The following ETV5 variants were observed in gnomAD, a reference collection of about 807,000 sequenced individuals.
The protein encoded by ETV5 is ETS variant transcription factor 5, also known as ETS translocation variant 5.
Under a neutral mutation model 70.0 loss-of-function variants are expected in ETV5, and 10 were observed. That is an observed-to-expected ratio of 0.14 (90% CI 0.09 to 0.24). ETV5 has a LOEUF of 0.24. ETV5 is among the 10% of genes least tolerant of loss of function. ETV5 has a pLI of 1.00. For synonymous variants in ETV5, 216 were observed against 242.2 expected (o/e 0.89, Z 1.01); for missense variants, 453 against 651.2 (o/e 0.70, Z 3.31).
chr3:186,049,568 G>A (rs778922589), intron 12 of ETV5, among the ~76,000 whole-genome samples: 8 of 152,148 alleles, frequency 5.3e-5, no homozygotes, highest in South Asian at 2.1e-4. Flanking sequence ...ACCTAATACC[G>A]AAAATCAAAC....
chr3:186,048,694 A>G lies in ETV5; in HGVS notation c.1478T>C (p.Leu493Pro). The G allele has an allele frequency of 1.2e-6, 2 of 1,614,148 alleles. No homozygotes were observed. The highest frequency in any genetic ancestry group is 1.7e-6 in the Non-Finnish European group (2 of 1,180,022). ...LTHFEDSPAY[L>P]LDMDRCSSLP... ...GCTGCTGCAGCGGTCCATGTCCAGGAGGTAAGCGGGGCTGTCTTCAAAGTG... is the reference window on the plus strand; with the variant it reads ...GCTGCTGCAGCGGTCCATGTCCAGGGGGTAAGCGGGGCTGTCTTCAAAGTG... The change falls in exon 13 of 13, where the codon CTC (leucine) becomes CCC (proline). Residue 493 changes from leucine (L) to proline (P), a missense_variant. By Grantham distance (98) the Leu-to-Pro change is moderately conservative. Coordinates refer to ENST00000306376, the MANE Select transcript of ETV5 (RefSeq NM_004454.3).
In ETV5 at chr3:186,105,709, A is replaced by G. The variant is rs1350949096; in HGVS notation, c.49T>C (p.Ser17Pro). Residue 17 changes from serine (S) to proline (P), a missense_variant, in exon 3 of 13, where the codon TCT becomes CCT. Physicochemically the swap from Ser to Pro is moderately conservative, Grantham distance 74. Around this residue, in one of 4 missense-constraint regions of ETV5, gnomAD observed 47 missense variants for 96.8 expected, o/e 0.49. Transcript: ENST00000306376. The surrounding 1 kb of genome is among the most constrained non-coding windows in gnomAD (Gnocchi z 4.5). ...QQVPFMVPGK[S>P]RSEECRGRPV... ...CGCCCTCTGCATTCCTCAGATCGAG[A>G]TTTCTGAAAGAGGCCAACAGAAAGT... The G allele has an allele frequency of 6.2e-7, 1 of 1,614,160 alleles. No individual in the cohort carries two copies. Among genetic ancestry groups the G allele is most frequent in the Admixed American group, 1.7e-5 (1 of 60,020 alleles).
At chr3:186,050,073 T>C (rs1203758423) in intron 12 of ETV5, among the ~76,000 whole-genome samples, 2 of 152,184 alleles carry the variant, frequency 1.3e-5, no homozygotes, top group Non-Finnish European at 2.9e-5. Flanking sequence ...ACAAATAAAA[T>C]AATAACCCCT....
intron 5 of ETV5, among the ~76,000 whole-genome samples, chr3:186,101,291 C>T (rs954754540): frequency 1.3e-5 from 2 of 152,026 alleles, no homozygotes; most frequent in African/African-American, 4.8e-5. Context: ...CTTTTGTTTT[C>T]GTTTTTTAGA....
intron 5 of ETV5, among the ~76,000 whole-genome samples, chr3:186,099,873 A>C (rs751703271): frequency 3.3e-5 from 5 of 152,220 alleles, no homozygotes; most frequent in Non-Finnish European, 7.3e-5. Flanking sequence ...TTCTCACCAA[A>C]TACAAAGGAC....
In ETV5 at chr3:186,080,017, A is replaced by C. The variant is rs772085062; in HGVS notation, c.450T>G (p.Phe150Leu). The change falls in exon 7 of 13, where the codon TTT becomes TTG. Residue 150 changes from phenylalanine to leucine, a missense_variant. Physicochemically the swap from Phe to Leu is conservative, Grantham distance 22. Transcript: ENST00000306376. ...PLSPTHQNPL[F>L]PPPQATLPTS... ...TGGGCAGAGTTGCCTGAGGTGGGGG[A>C]AATAGGGGATTCTGATGGGTGGGTG... 4 of 1,547,794 alleles carry C rather than the reference A, an allele frequency of 2.6e-6. No individual in the cohort carries two copies. The highest frequency in any genetic ancestry group is 1.8e-4 in the Middle Eastern group (1 of 5,636).
Position 186,080,063 on chromosome 3 carries a change from G to T in ETV5, c.404C>A (p.Thr135Asn), listed in dbSNP as rs766752832. ...GGGTGAGAGGGGGGTTGTAGGAGGGGTTAATGGCTTGAACCCAGAGGGAGG... is the reference window on the plus strand; with the variant it reads ...GGGTGAGAGGGGGGTTGTAGGAGGGTTTAATGGCTTGAACCCAGAGGGAGG... Reference protein sequence around the residue: ...RKPPSGFKPLTPPTTPLSPTH... With the variant: ...RKPPSGFKPLNPPTTPLSPTH... Residue 135 changes from threonine to asparagine, a missense_variant, in exon 7 of 13, where the codon ACC becomes AAC. Thr to Asn is a moderately conservative substitution (Grantham distance 65, BLOSUM62 0). Coordinates refer to ENST00000306376, the MANE Select transcript of ETV5 (RefSeq NM_004454.3). The T allele has an allele frequency of 1.3e-6, 2 of 1,519,792 alleles. No homozygotes were observed. Among genetic ancestry groups the T allele is most frequent in the Non-Finnish European group, 1.7e-6 (2 of 1,143,000 alleles). The allele number at this position is 1,519,792 out of a possible 1,614,324, so 94.1% of individuals were successfully genotyped here.
chr3:186,080,080 A>C lies in ETV5; in HGVS notation c.387T>G (p.Ser129=). Residue 129 remains serine, a synonymous_variant, in exon 7 of 13, where the codon TCT becomes TCG. Transcript: ENST00000306376. ...TAGGAGGGGTTAATGGCTTGAACCC[A>C]GAGGGAGGCTTCCTATCATAGGCAC... ...NYCAYDRKPP[S]GFKPLTPPTT... 1 of 1,501,148 alleles carries C rather than the reference A, an allele frequency of 6.7e-7. No homozygotes were observed. The highest frequency in any genetic ancestry group is 8.8e-7 in the Non-Finnish European group (1 of 1,133,236). 93.0% of individuals were successfully genotyped at this position (1,501,148 alleles called of 1,614,324 possible).
rs774401997 is a variant in ETV5 at position 186,057,463 on chromosome 3, T to A, written c.999A>T (p.Leu333Phe). The change falls in exon 10 of 13, where the codon TTA (leucine) becomes TTT (phenylalanine). Residue 333 changes from leucine (L) to phenylalanine (F), a missense_variant. Transcript: ENST00000306376. The surrounding 1 kb of genome is among the most constrained non-coding windows in gnomAD (Gnocchi z 4.9). ...GCACAACACAAGTGTCGTCAAAGTA[T>A]AATCGGGGATCTTTTTCATATGAAA... ...EGFSYEKDPR[L>F]YFDDTCVVPE... 1.2e-6 allele frequency: 2 copies of A among 1,614,110 alleles called. No homozygotes were observed. The highest frequency in any genetic ancestry group is 1.3e-5 in the African/African-American group (1 of 75,030).
chr3:186,065,989 C>G lies in ETV5; in HGVS notation c.734G>C (p.Arg245Pro). The change falls in exon 8 of 13, where the codon CGG (arginine) becomes CCG (proline). Residue 245 changes from arginine (R) to proline (P), a missense_variant. Coordinates refer to ENST00000306376, the MANE Select transcript of ETV5 (RefSeq NM_004454.3). ...AGGGACAATAGGTTCTGACATTTGCCGATGGTAACTGGGGCGATTATCTCC... is the reference window on the plus strand; with the variant it reads ...AGGGACAATAGGTTCTGACATTTGCGGATGGTAACTGGGGCGATTATCTCC... ...VPGDNRPSYHRQMSEPIVPAA... is the reference protein window; with the variant it reads ...VPGDNRPSYHPQMSEPIVPAA... The G allele has an allele frequency of 6.2e-7, 1 of 1,610,040 alleles. No individual in the cohort carries two copies. The highest frequency in any genetic ancestry group is 8.5e-7 in the Non-Finnish European group (1 of 1,178,102).
At chr3:186,089,574 CATAA>C (rs1275621359) in intron 5 of ETV5, among the ~76,000 whole-genome samples, 1 of 152,174 alleles carries the variant, frequency 6.6e-6, no homozygotes, top group Non-Finnish European at 1.5e-5. Flanking sequence ...AACACAAATA[CATAA>C]ATGTGAGAAG....
intron 7 of ETV5, among the ~76,000 whole-genome samples, chr3:186,079,603 G>A (rs1459579647): frequency 2.0e-5 from 3 of 152,206 alleles, no homozygotes; most frequent in East Asian, 3.9e-4. Context: ...TTATAAGGAT[G>A]TCGTAGTCCA....
At chr3:186,061,134 T>A (rs953945868) in intron 9 of ETV5, among the ~76,000 whole-genome samples, 1 of 152,206 alleles carries the variant, frequency 6.6e-6, no homozygotes, top group Non-Finnish European at 1.5e-5. Flanking sequence ...TAATCACTTA[T>A]AAAAGCCACC....
At chr3:186,064,902 A>G (rs1173345142) in intron 8 of ETV5, among the ~76,000 whole-genome samples, 1 of 152,126 alleles carries the variant, frequency 6.6e-6, no homozygotes, top group Non-Finnish European at 1.5e-5. Context: ...GCTCCCCTTT[A>G]CTGCTGGTGG....
intron 9 of ETV5, among the ~76,000 whole-genome samples, chr3:186,060,487 G>T (rs1425656737): frequency 6.6e-6 from 1 of 152,196 alleles, no homozygotes; most frequent in African/African-American, 2.4e-5. Flanking sequence ...AGACCTGTTT[G>T]AGGGGCAAAC....
chr3:186,104,833 C>T (rs535220135), intron 5 of ETV5: 6 of 151,326 alleles, frequency 4.0e-5, no homozygotes, highest in African/African-American at 1.5e-4. Flanking sequence ...CCTCCGCCTT[C>T]TGGATTTAAG....
chr3:186,081,192 G>T lies in ETV5; in HGVS notation c.233-17C>A. ...GAAGCACCACTGAAATCAGAAGAGG[G>T]ATGAGAGGGGAATAGAGAGAGAACA... On this transcript the variant is annotated splice_polypyrimidine_tract_variant and intron_variant, in intron 5 of 12. Coordinates refer to ENST00000306376, the MANE Select transcript of ETV5 (RefSeq NM_004454.3). 6.2e-7 allele frequency: 1 copy of T among 1,609,116 alleles called. No homozygotes were observed. The highest frequency in any genetic ancestry group is 8.5e-7 in the Non-Finnish European group (1 of 1,177,086).
In ETV5 at chr3:186,048,865, G is replaced by A. The variant is rs757583853; in HGVS notation, c.1312-5C>T. 2.3e-5 allele frequency: 37 copies of A among 1,611,226 alleles called. No individual in the cohort carries two copies. Among genetic ancestry groups the A allele is most frequent in the Middle Eastern group, 1.6e-4 (1 of 6,070 alleles). On this transcript the variant is annotated splice_region_variant and splice_polypyrimidine_tract_variant and intron_variant, in intron 12 of 12. Coordinates refer to ENST00000306376, the MANE Select transcript of ETV5 (RefSeq NM_004454.3). ...GACGTATCGCTCTCCAGCCACCTGCGGGAGAACACACACCTTACAGGGCCC... is the reference window on the plus strand; with the variant it reads ...GACGTATCGCTCTCCAGCCACCTGCAGGAGAACACACACCTTACAGGGCCC...
chr3:186,072,444 C>T (rs554613701), intron 7 of ETV5, among the ~76,000 whole-genome samples: 1 of 152,142 alleles, frequency 6.6e-6, no homozygotes, highest in African/African-American at 2.4e-5. Context: ...ATGACACACA[C>T]AAACCATGCA....
Sources: gnomAD v4.1 joint callset for allele counts (sites outside exome capture counted in the v4.1 genomes callset) on GRCh38, gnomAD v4.1.1 for gene constraint, gnomAD v4.1.1 regional missense constraint, Gnocchi (gnomAD v3.1) non-coding constraint, MANE v1.5 for transcripts, NCBI Gene and HGNC (gene_info 2026-07-23, HGNC 2026-07-21) for gene names.